NAALADL2: variants seen among roughly 807,000 people sequenced by gnomAD.
The protein encoded by NAALADL2 is inactive N-acetylated-alpha-linked acidic dipeptidase-like protein 2.
NAALADL2 carries 76 observed loss-of-function variants against 87.2 expected under a neutral mutation model. The ratio of observed to expected loss-of-function variants is 0.87; its 90% CI spans 0.72 to 1.05. NAALADL2 has a LOEUF of 1.05. Ranked by LOEUF, NAALADL2 falls within the 50% of genes least tolerant of loss-of-function variation. NAALADL2 has a pLI of 0.00. For missense variants in NAALADL2, 1,089 were observed against 945.8 expected, an observed-to-expected ratio of 1.15 and a Z score of -1.99; for synonymous variants, 354 against 331.0, an observed-to-expected ratio of 1.07 and a Z score of -0.75.
At chr3:174,729,488 C>A (rs1233339726) in intron 2 of NAALADL2, among the ~76,000 whole-genome samples, 4 of 152,082 alleles carry the variant, frequency 2.6e-5, no homozygotes, top group Non-Finnish European at 5.9e-5. Context: ...TAACCTACAT[C>A]TCAGGGCCAT....
At chr3:175,556,700 G>T (rs1715330694) in intron 9 of NAALADL2, among the ~76,000 whole-genome samples, 1 of 150,530 alleles carries the variant, frequency 6.6e-6, no homozygotes, top group African/African-American at 2.4e-5. Context: ...TTTGAAAAAA[G>T]TCTCATTTCT....
intron 3 of NAALADL2, among the ~76,000 whole-genome samples, chr3:174,810,060 T>C (rs958890422): frequency 2.0e-5 from 3 of 152,206 alleles, no homozygotes; most frequent in Non-Finnish European, 4.4e-5. Context: ...GATGCTGCCA[T>C]GCTTCCTGTA....
chr3:175,422,977 TTGA>T (rs1715968582), intron 5 of NAALADL2, among the ~76,000 whole-genome samples: 1 of 144,996 alleles, frequency 6.9e-6, no homozygotes, highest in African/African-American at 2.6e-5. Context: ...ACTATCTTCC[TTGA>T]TGATTGCATT....
At chr3:174,758,959 T>A (rs1016710328) in intron 3 of NAALADL2, among the ~76,000 whole-genome samples, 1 of 152,200 alleles carries the variant, frequency 6.6e-6, no homozygotes, top group Admixed American at 6.5e-5. Context: ...TTTCTATAAT[T>A]TTTAACAGGT....
intron 3 of NAALADL2, among the ~76,000 whole-genome samples, chr3:174,776,062 T>A (rs2109126546): frequency 6.6e-6 from 1 of 152,294 alleles, no homozygotes; most frequent in Admixed American, 6.5e-5. Context: ...ACTGTTTTCC[T>A]TTTATGTCAA....
At chr3:174,518,447 C>T (rs547105871) in intron 1 of NAALADL2, among the ~76,000 whole-genome samples, 14 of 152,164 alleles carry the variant, frequency 9.2e-5, no homozygotes, top group African/African-American at 3.1e-4. Context: ...TGATTAATGC[C>T]ACTGCTTCCT....
chr3:174,856,569 C>T (rs886866192), upstream of NAALADL2, among the ~76,000 whole-genome samples: 1 of 152,094 alleles, frequency 6.6e-6, no homozygotes, highest in African/African-American at 2.4e-5. Flanking sequence ...ATCAGAAGGA[C>T]TTTCATGGTA....
At chr3:174,626,891 A>C (rs1721630792) in intron 2 of NAALADL2, among the ~76,000 whole-genome samples, 1 of 152,070 alleles carries the variant, frequency 6.6e-6, no homozygotes, top group Non-Finnish European at 1.5e-5. Flanking sequence ...TTTCATGTAT[A>C]ATGTCCCTAT....
In NAALADL2 at chr3:174,788,981, G is replaced by A. The variant is rs143243758; in HGVS notation, c.-9+51235G>A. ...AGGGAAGAGTTTGAGAGAAGTTTGT[G>A]TGATAGGAAACAGAGGTCACTAATG... On this transcript the variant is annotated intron_variant, in intron 3 of 3. Coordinates refer to the NAALADL2 transcript ENST00000434257. Among the ~76,000 whole-genome samples the A allele has an allele frequency of 6.1e-3, 925 of 152,298 alleles. 5 individuals are homozygous for A. The highest frequency in any genetic ancestry group is 0.017 in the Middle Eastern group (5 of 294).
intron 11 of NAALADL2, among the ~76,000 whole-genome samples, chr3:175,683,364 AT>A (rs1383814730): frequency 6.6e-6 from 1 of 151,972 alleles, no homozygotes; most frequent in Non-Finnish European, 1.5e-5. Flanking sequence ...CAGTTTAAAA[AT>A]TAAGGTTGTG....
At chr3:175,037,036 C>T (rs562764126) in intron 1 of NAALADL2, among the ~76,000 whole-genome samples, 2 of 152,094 alleles carry the variant, frequency 1.3e-5, no homozygotes, top group African/African-American at 2.4e-5. Flanking sequence ...GGGTTCTGAC[C>T]GAGAGTACCC....
intron 13 of NAALADL2, among the ~76,000 whole-genome samples, chr3:175,773,824 G>A (rs1397462546): frequency 6.6e-6 from 1 of 152,072 alleles, no homozygotes; most frequent in South Asian, 2.1e-4. Context: ...TGATTGAAAA[G>A]CAATGAGTTG....
At chr3:174,888,261 C>G (rs1290234395) in intron 1 of NAALADL2, among the ~76,000 whole-genome samples, 1 of 152,152 alleles carries the variant, frequency 6.6e-6, no homozygotes, top group Non-Finnish European at 1.5e-5. Flanking sequence ...GGCCATACAA[C>G]AGAGGGTTTT....
intron 2 of NAALADL2, among the ~76,000 whole-genome samples, chr3:175,176,595 T>A (rs1735724402): frequency 6.6e-6 from 1 of 152,072 alleles, no homozygotes. Context: ...TTGTTTTGGA[T>A]CAGTGGGGTG....
intron 1 of NAALADL2, among the ~76,000 whole-genome samples, chr3:174,475,554 G>A (rs780471902): frequency 2.1e-4 from 32 of 151,312 alleles, no homozygotes; most frequent in Middle Eastern, 3.4e-3. Context: ...AAACTGTAAC[G>A]TGTAAGAATC....
intron 1 of NAALADL2, among the ~76,000 whole-genome samples, chr3:175,093,416 T>TTATATATATATA (rs1179118417): frequency 2.2e-5 from 3 of 139,524 alleles, no homozygotes; most frequent in African/African-American, 5.5e-5. Context: ...TTTTATTTTT[T>TTATATATATATA]TATATATATA....
At chr3:175,656,672 A>T (rs1276392920) in intron 11 of NAALADL2, among the ~76,000 whole-genome samples, 1 of 152,052 alleles carries the variant, frequency 6.6e-6, no homozygotes, top group Non-Finnish European at 1.5e-5. Context: ...CTTTCCTCAA[A>T]GGTGTGCAGA....
chr3:175,181,082 T>C (rs1436246071), intron 2 of NAALADL2, among the ~76,000 whole-genome samples: 1 of 152,026 alleles, frequency 6.6e-6, no homozygotes, highest in Non-Finnish European at 1.5e-5. Flanking sequence ...GAGGCACCCA[T>C]GTATTTTTAA....
chr3:174,776,055 GT>G (rs1402638934), intron 3 of NAALADL2, among the ~76,000 whole-genome samples: 1 of 151,994 alleles, frequency 6.6e-6, no homozygotes. Context: ...AGCTGTTACT[GT>G]TTTCCTTTTA....
Sources: allele counts gnomAD v4.1 joint callset (sites outside exome capture counted in the v4.1 genomes callset), GRCh38; gene constraint gnomAD v4.1.1; transcripts MANE v1.5; gene names NCBI Gene and HGNC (gene_info 2026-07-23, HGNC 2026-07-21).